EXTL3: variants seen among roughly 807,000 people sequenced by gnomAD.
The protein encoded by EXTL3 is exostosin like glycosyltransferase 3.
EXTL3 carries 27 observed loss-of-function variants against 69.3 expected under a neutral mutation model. The ratio of observed to expected loss-of-function variants is 0.39; its 90% CI spans 0.29 to 0.54. EXTL3 has a LOEUF of 0.54. Ranked by LOEUF, EXTL3 falls within the 20% of genes least tolerant of loss-of-function variation. The probability of loss-of-function intolerance (pLI) is 0.69; values close to 1 mark genes in which losing one functional copy is unlikely to be tolerated. For synonymous variants in EXTL3, 511 were observed against 499.4 expected (o/e 1.02, Z -0.31); for missense variants, 1,003 against 1,231.8 (o/e 0.81, Z 2.78).
In EXTL3 at chr8:28,750,046, G is replaced by A. The variant is rs906295073; in HGVS notation, c.2551-611G>A. 6.6e-6 allele frequency among the ~76,000 whole-genome samples: 1 copy of A among 152,182 alleles called. No homozygotes were observed. Among genetic ancestry groups the A allele is most frequent in the Non-Finnish European group, 1.5e-5 (1 of 68,038 alleles). On this transcript the variant is annotated intron_variant, in intron 6 of 6. Coordinates refer to ENST00000220562, the MANE Select transcript of EXTL3 (RefSeq NM_001440.4). This position sits in a 1 kb window ranked among gnomAD's most constrained non-coding sequence, Gnocchi z 5.2. ...ATGGTTTATGTATTTCTTCTTGCAT[G>A]TTCAGGTGTTCTGAGGGGTTTTTAT...
chr8:28,693,435 G>A (rs1003018583), intron 1 of EXTL3, among the ~76,000 whole-genome samples: 2 of 152,070 alleles, frequency 1.3e-5, no homozygotes, highest in African/African-American at 4.8e-5. Flanking sequence ...ATAGGCATGA[G>A]CCACAGTGCC....
rs1163118174 is a variant in EXTL3, at chr8:28,751,968, C to G, written c.*1102C>G. On this transcript the variant is annotated 3_prime_UTR_variant, in exon 7 of 7. Transcript: ENST00000220562. Reference sequence around the variant, plus strand: ...GGCCGGGAAGTTTTACAGCAAGGCGCCTGCCTTGGGATAATTCCTTGGTGA... The same window carrying G: ...GGCCGGGAAGTTTTACAGCAAGGCGGCTGCCTTGGGATAATTCCTTGGTGA... 6.6e-6 allele frequency: 1 copy of G among 152,454 alleles called. No individual in the cohort carries two copies. Among genetic ancestry groups the G allele is most frequent in the African/African-American group, 2.4e-5 (1 of 41,466 alleles). 9.4% of individuals were successfully genotyped at this position (152,454 alleles called of 1,614,324 possible).
chr8:28,615,756 T>C (rs747537157), intron 2 of EXTL3, among the ~76,000 whole-genome samples: 45 of 150,656 alleles, frequency 3.0e-4, no homozygotes, highest in Non-Finnish European at 5.9e-4. Flanking sequence ...TTTTTTTTAA[T>C]AGAGACGAGG....
chr8:28,647,351 TG>T (rs1806848977), intron 1 of EXTL3, among the ~76,000 whole-genome samples: 1 of 152,170 alleles, frequency 6.6e-6, no homozygotes, highest in African/African-American at 2.4e-5. Flanking sequence ...GTGATCCACC[TG>T]CCTCGGCCTC....
intron 1 of EXTL3, 66 bp from the exon 2 acceptor site, chr8:28,713,391 A>G (rs559466591): frequency 2.0e-4 from 129 of 646,062 alleles, no homozygotes; most frequent in Admixed American, 5.6e-4. Context: ...CACTTTCAGT[A>G]TTGAGTATTT....
chr8:28,718,997 ATC>A (rs1474503173), intron 3 of EXTL3, among the ~76,000 whole-genome samples: 2 of 152,200 alleles, frequency 1.3e-5, no homozygotes, highest in African/African-American at 4.8e-5. Flanking sequence ...GATGGCGACC[ATC>A]TCTCTTAAAT....
intron 3 of EXTL3, among the ~76,000 whole-genome samples, chr8:28,727,313 A>T (rs112543685): frequency 3.5e-4 from 53 of 152,254 alleles, no homozygotes; most frequent in African/African-American, 1.2e-3. Context: ...GTGTTCCTGG[A>T]GTCCTTAGTA....
At chr8:28,736,478 C>G (rs915532534) in intron 4 of EXTL3, among the ~76,000 whole-genome samples, 1 of 152,250 alleles carries the variant, frequency 6.6e-6, no homozygotes, top group Non-Finnish European at 1.5e-5. Context: ...TTCTAATTTA[C>G]CTATAAATTT....
At chr8:28,639,708 TCAC>T (rs1806713567) in intron 1 of EXTL3, among the ~76,000 whole-genome samples, 1 of 152,240 alleles carries the variant, frequency 6.6e-6, no homozygotes, top group Non-Finnish European at 1.5e-5. Flanking sequence ...AGACATAACT[TCAC>T]CGAGGACAGC....
chr8:28,685,798 G>A (rs1807566918), intron 1 of EXTL3: 1 of 151,372 alleles, frequency 6.6e-6, no homozygotes, highest in Non-Finnish European at 1.5e-5. Context: ...TTGTGTGTGT[G>A]TATATATGTA....
At position 28,713,549 on chromosome 8, in the gene EXTL3, T is replaced by C; in HGVS notation, c.-477T>C. The C allele has an allele frequency of 1.4e-6, 1 of 702,282 alleles. No individual in the cohort carries two copies. The highest frequency in any genetic ancestry group is 2.6e-6 in the Non-Finnish European group (1 of 384,896). The allele number at this position is 702,282 out of a possible 1,614,324, so 43.5% of individuals were successfully genotyped here. A position where few individuals can be genotyped will look rare whatever the true frequency, so the allele number is the denominator to read the frequency against. On this transcript the variant is annotated splice_region_variant and 5_prime_UTR_variant, in exon 2 of 7. An upstream start codon of the reference 5' UTR is lost. Coordinates refer to ENST00000220562, the MANE Select transcript of EXTL3 (RefSeq NM_001440.4). ...GAGGAAGGAAGGGTCCTGAAACACA[T>C]GGTGAGGAAGGAATGAGTCAGCTGG...
intron 3 of EXTL3, among the ~76,000 whole-genome samples, chr8:28,724,328 C>T (rs548638115): frequency 5.3e-5 from 8 of 152,308 alleles, no homozygotes; most frequent in Non-Finnish European, 1.2e-4. Context: ...AAAACATGTA[C>T]AATTTTGTTT....
chr8:28,745,793 C>G (rs977486830), intron 6 of EXTL3, among the ~76,000 whole-genome samples: 1 of 152,178 alleles, frequency 6.6e-6, no homozygotes, highest in South Asian at 2.1e-4. Context: ...GCCAGTGTTT[C>G]ATTAGTTAAG....
intron 1 of EXTL3, among the ~76,000 whole-genome samples, chr8:28,650,684 C>T (rs1050263662): frequency 6.6e-6 from 1 of 151,950 alleles, no homozygotes; most frequent in Admixed American, 6.6e-5. Context: ...GATTATTTCT[C>T]TATTCTTTCC....
At chr8:28,622,671 C>G (rs1269769619), upstream of EXTL3, 1 of 149,334 alleles carries the variant, frequency 6.7e-6, no homozygotes, top group East Asian at 2.0e-4. Flanking sequence ...CGGGAGCCGG[C>G]CGGCCGGGCC....
chr8:28,711,443 T>G (rs576579458), intron 1 of EXTL3, among the ~76,000 whole-genome samples: 1 of 152,246 alleles, frequency 6.6e-6, no homozygotes, highest in African/African-American at 2.4e-5. Context: ...TAGCACTGTT[T>G]TAGCCATGTT....
intron 5 of EXTL3, chr8:28,742,828 C>A: frequency 9.2e-6 from 4 of 434,016 alleles, no homozygotes; most frequent in Non-Finnish European, 8.7e-6. Flanking sequence ...ATTTCAAAAT[C>A]ACTGCGGTAC....
Position 28,717,469 on chromosome 8 carries a change from TC to T in EXTL3, c.1413del (p.Tyr472ThrfsTer37). The T allele has an allele frequency of 6.2e-7, 1 of 1,614,168 alleles. No homozygotes were observed. On this transcript the variant is annotated frameshift_variant, in exon 3 of 7. Coordinates refer to ENST00000220562, the MANE Select transcript of EXTL3 (RefSeq NM_001440.4). LOFTEE classifies it high-confidence loss of function. The surrounding 1 kb of genome is among the most constrained non-coding windows in gnomAD (Gnocchi z 8.3). ...TGGTGCTGGGGGAGCAGGTCCAGCTTCCCTACCAGGACATGCTGCAGTGGAA... is the reference window on the plus strand; with the variant it reads ...TGGTGCTGGGGGAGCAGGTCCAGCTTCCTACCAGGACATGCTGCAGTGGAA... ...PVVLGEQVQL[P>X]YQDMLQWNEA...
intron 3 of EXTL3, among the ~76,000 whole-genome samples, chr8:28,721,655 C>G (rs1345603334): frequency 6.6e-6 from 1 of 152,204 alleles, no homozygotes; most frequent in Non-Finnish European, 1.5e-5. Flanking sequence ...TGAGGGAGGA[C>G]TGGGTCTGGC....
Sources: allele counts gnomAD v4.1 joint callset (sites outside exome capture counted in the v4.1 genomes callset), GRCh38; gene constraint gnomAD v4.1.1; non-coding constraint Gnocchi (gnomAD v3.1); transcripts MANE v1.5; gene names NCBI Gene and HGNC (gene_info 2026-07-23, HGNC 2026-07-21).